The following RASGEF1C variants were observed in gnomAD, a reference collection of about 807,000 sequenced individuals.
The protein encoded by RASGEF1C is RasGEF domain family member 1C.
In RASGEF1C, 27 loss-of-function variants were observed where a neutral mutation model predicts 58.1. The ratio of observed to expected loss-of-function variants is 0.46; its 90% CI spans 0.34 to 0.64. The LOEUF is 0.64. Ranked by LOEUF, RASGEF1C falls within the 30% of genes least tolerant of loss-of-function variation. The pLI is 0.01. For synonymous variants in RASGEF1C, 243 were observed against 246.3 expected (o/e 0.99, Z 0.13); for missense variants, 502 against 605.1 (o/e 0.83, Z 1.79).
chr5:180,173,613 G>C (rs1767149805), intron 1 of RASGEF1C, among the ~76,000 whole-genome samples: 1 of 152,212 alleles, frequency 6.6e-6, no homozygotes, highest in Non-Finnish European at 1.5e-5. Flanking sequence ...TTGGGGGAAT[G>C]AGTTAAAACT....
intron 1 of RASGEF1C, among the ~76,000 whole-genome samples, chr5:180,149,791 CT>C (rs1228551829): frequency 6.6e-6 from 1 of 152,212 alleles, no homozygotes; most frequent in East Asian, 1.9e-4. Context: ...TTCTTTCTTG[CT>C]GCTCTCAATA....
At chr5:180,110,815 ATTT>A (rs34922364) in intron 12 of RASGEF1C, among the ~76,000 whole-genome samples, 1 of 149,892 alleles carries the variant, frequency 6.7e-6, no homozygotes. Flanking sequence ...TGGGAAGGTG[ATTT>A]TTTTTTTCTT....
Position 180,177,793 on chromosome 5 carries a change from A to G in RASGEF1C, c.-7+31235T>C, listed in dbSNP as rs1767255235. Among the ~76,000 whole-genome samples the G allele has an allele frequency of 6.6e-6, 1 of 152,016 alleles. No homozygotes were observed. Among genetic ancestry groups the G allele is most frequent in the Admixed American group, 6.6e-5 (1 of 15,260 alleles). On this transcript the variant is annotated intron_variant, in intron 1 of 13. Coordinates refer to ENST00000361132, the MANE Select transcript of RASGEF1C (RefSeq NM_175062.4). This position sits in a 1 kb window ranked among gnomAD's most constrained non-coding sequence, Gnocchi z 5.0. ...CTCAGTTCGTGGGACATTTATTTGA[A>G]CTGTCTGAGCAGAGCCTCTCTCTCT...
intron 1 of RASGEF1C, among the ~76,000 whole-genome samples, chr5:180,194,866 G>A (rs1173055626): frequency 6.6e-6 from 1 of 152,224 alleles, no homozygotes; most frequent in Non-Finnish European, 1.5e-5. Flanking sequence ...GGAGCGTGCT[G>A]AGTGACCTGC....
chr5:180,130,044 CTG>C (rs923466396), intron 4 of RASGEF1C, among the ~76,000 whole-genome samples: 19 of 152,240 alleles, frequency 1.2e-4, no homozygotes, highest in Non-Finnish European at 2.6e-4. Context: ...TGAGCACTTA[CTG>C]CGCACCCACT....
intron 1 of RASGEF1C, among the ~76,000 whole-genome samples, chr5:180,185,848 A>G (rs1464602519): frequency 6.6e-6 from 1 of 152,180 alleles, no homozygotes; most frequent in African/African-American, 2.4e-5. Context: ...CTGTAAACAC[A>G]GCACTTTGGG....
intron 1 of RASGEF1C, among the ~76,000 whole-genome samples, chr5:180,173,702 C>T (rs1314553627): frequency 3.3e-5 from 5 of 152,092 alleles, no homozygotes; most frequent in Non-Finnish European, 5.9e-5. Context: ...ATCACAAGGT[C>T]AGGAGTTTGA....
intron 1 of RASGEF1C, among the ~76,000 whole-genome samples, chr5:180,191,396 G>A (rs531000612): frequency 2.6e-5 from 4 of 151,414 alleles, no homozygotes; most frequent in Admixed American, 6.6e-5. Flanking sequence ...TAGCTCTGTC[G>A]CCCAGGCTGG....
chr5:180,184,085 A>G (rs1201831895), intron 1 of RASGEF1C, among the ~76,000 whole-genome samples: 1 of 151,850 alleles, frequency 6.6e-6, no homozygotes, highest in Admixed American at 6.6e-5. Context: ...AATCACTTGA[A>G]CCTGGGAGAT....
intron 10 of RASGEF1C, among the ~76,000 whole-genome samples, chr5:180,117,206 C>G (rs1283143489): frequency 6.6e-6 from 1 of 152,252 alleles, no homozygotes; most frequent in African/African-American, 2.4e-5. Flanking sequence ...CCCAGAGTCA[C>G]TGACACACTC....
intron 1 of RASGEF1C, among the ~76,000 whole-genome samples, chr5:180,165,195 G>T (rs888555430): frequency 1.3e-5 from 2 of 151,708 alleles, no homozygotes; most frequent in South Asian, 2.1e-4. Context: ...GCATAAAATT[G>T]GATCTTTAAA....
intron 6 of RASGEF1C, among the ~76,000 whole-genome samples, chr5:180,126,605 C>T (rs1053088168): frequency 2.6e-5 from 4 of 152,174 alleles, no homozygotes; most frequent in Non-Finnish European, 5.9e-5. Flanking sequence ...CTCTCAGTGC[C>T]TGGAGGGATA....
chr5:180,102,210 A>C, intron 12 of RASGEF1C, 67 bp from the exon 13 acceptor site: 1 of 926,086 alleles, frequency 1.1e-6, no homozygotes, highest in Non-Finnish European at 1.8e-6. Context: ...TACACCTGCT[A>C]TATCTGCGTG....
At chr5:180,129,004 C>T (rs544797558) in intron 4 of RASGEF1C, among the ~76,000 whole-genome samples, 5 of 152,190 alleles carry the variant, frequency 3.3e-5, no homozygotes, top group Non-Finnish European at 7.3e-5. Flanking sequence ...CCTGGGCAGA[C>T]GACTGGCATT....
At chr5:180,127,978 G>A (rs1766291887) in intron 5 of RASGEF1C, among the ~76,000 whole-genome samples, 1 of 152,196 alleles carries the variant, frequency 6.6e-6, no homozygotes, top group Admixed American at 6.5e-5. Context: ...TGCTTCCTCT[G>A]CGGGGTGGAG....
intron 1 of RASGEF1C, among the ~76,000 whole-genome samples, chr5:180,162,336 G>A (rs1174803761): frequency 1.3e-5 from 2 of 152,240 alleles, no homozygotes; most frequent in Non-Finnish European, 2.9e-5. Flanking sequence ...AGCTGGGCTG[G>A]GCAGTGGAGA....
intron 10 of RASGEF1C, among the ~76,000 whole-genome samples, chr5:180,116,480 A>C (rs1766070024): frequency 2.0e-5 from 3 of 151,362 alleles, no homozygotes; most frequent in East Asian, 1.9e-4. Context: ...ACCCCTCTCC[A>C]TCCATAAAGC....
intron 6 of RASGEF1C, 114 bp downstream of exon 6, chr5:180,127,495 T>C: frequency 1.0e-6 from 1 of 995,752 alleles, no homozygotes; most frequent in Non-Finnish European, 1.4e-6. Flanking sequence ...CGAGCCCACC[T>C]GTCCCACTCT....
chr5:180,123,433 T>TA lies in RASGEF1C; in HGVS notation c.715-2285dup, dbSNP rs1305273435. Reference sequence around the variant, plus strand: ...AAACTTGAACTTAACTACTTGAGAATACGCATTCTTTTCAAATGTTCAGAA... The same window carrying TA: ...AAACTTGAACTTAACTACTTGAGAATAACGCATTCTTTTCAAATGTTCAGAA... On this transcript the variant is annotated intron_variant, in intron 6 of 13. Coordinates refer to ENST00000361132, the MANE Select transcript of RASGEF1C (RefSeq NM_175062.4). 7.2e-5 allele frequency among the ~76,000 whole-genome samples: 11 copies of TA among 152,368 alleles called. No individual in the cohort carries two copies. In the East Asian group the frequency reaches 2.1e-3, roughly 29 times the overall value.
Sources: gnomAD v4.1 joint callset for allele counts (sites outside exome capture counted in the v4.1 genomes callset) on GRCh38, gnomAD v4.1.1 for gene constraint, Gnocchi (gnomAD v3.1) non-coding constraint, MANE v1.5 for transcripts, NCBI Gene and HGNC (gene_info 2026-07-23, HGNC 2026-07-21) for gene names.